Variants in GJB7 observed in about 807,000 individuals in gnomAD.
The protein encoded by GJB7 is gap junction beta-7 protein.
For synonymous variants in GJB7, 87 were observed against 95.2 expected (o/e 0.91, Z 0.50); for missense variants, 253 against 256.8 (o/e 0.99, Z 0.10).
intron 2 of GJB7, among the ~76,000 whole-genome samples, chr6:87,321,270 T>C (rs1201215256): frequency 6.6e-6 from 1 of 151,300 alleles, no homozygotes; most frequent in Non-Finnish European, 1.5e-5. Context: ...AGAGATTTTC[T>C]ATAGAATGTA....
chr6:87,307,386 A>C (rs983567142), intron 2 of GJB7, among the ~76,000 whole-genome samples: 1 of 152,120 alleles, frequency 6.6e-6, no homozygotes, highest in Non-Finnish European at 1.5e-5. Flanking sequence ...AGATCTAATT[A>C]AACTAAAGAG....
intron 2 of GJB7, among the ~76,000 whole-genome samples, chr6:87,312,972 T>TA (rs1212013987): frequency 6.6e-6 from 1 of 152,228 alleles, no homozygotes; most frequent in Admixed American, 6.5e-5. Context: ...AAAGTCCTGT[T>TA]ACCATGTGAG....
At chr6:87,308,856 G>C (rs1776472378) in intron 2 of GJB7, among the ~76,000 whole-genome samples, 1 of 151,964 alleles carries the variant, frequency 6.6e-6, no homozygotes, top group South Asian at 2.1e-4. Flanking sequence ...AAAAATAAAG[G>C]ATTCCAGAAA....
At chr6:87,292,901 A>G (rs1776199059) in intron 2 of GJB7, among the ~76,000 whole-genome samples, 1 of 152,246 alleles carries the variant, frequency 6.6e-6, no homozygotes, top group African/African-American at 2.4e-5. Context: ...TGATGTCCAC[A>G]TCCACAAACC....
At chr6:87,309,214 C>A (rs1227051831) in intron 2 of GJB7, among the ~76,000 whole-genome samples, 2 of 152,244 alleles carry the variant, frequency 1.3e-5, no homozygotes, top group Admixed American at 6.5e-5. Flanking sequence ...CTCCTGGATC[C>A]TCCTTCATCT....
chr6:87,323,148 A>G (rs1776712547), intron 1 of GJB7, 105 bp from the exon 2 acceptor site: 1 of 152,246 alleles, frequency 6.6e-6, no homozygotes, highest in Non-Finnish European at 1.5e-5. Context: ...AGTCCATGAC[A>G]TTGGGGGAAG....
At chr6:87,302,312 C>G (rs931964682) in intron 2 of GJB7, among the ~76,000 whole-genome samples, 3 of 152,048 alleles carry the variant, frequency 2.0e-5, no homozygotes, top group African/African-American at 4.8e-5. Flanking sequence ...ACTAGAATAA[C>G]CAGTGTAGAG....
At chr6:87,297,220 A>C (rs1369439452) in intron 2 of GJB7, among the ~76,000 whole-genome samples, 2 of 152,206 alleles carry the variant, frequency 1.3e-5, no homozygotes, top group African/African-American at 4.8e-5. Flanking sequence ...TTCACATTCA[A>C]TCATATTTAC....
At chr6:87,325,325 G>C (rs1286201811) in intron 1 of GJB7, among the ~76,000 whole-genome samples, 3 of 143,454 alleles carry the variant, frequency 2.1e-5, no homozygotes, top group African/African-American at 8.1e-5. Flanking sequence ...TGGTGAGAGA[G>C]GGCATCCCTG....
chr6:87,322,816 C>T (rs1431464920), intron 2 of GJB7, 50 bp downstream of exon 2: 1 of 152,220 alleles, frequency 6.6e-6, no homozygotes, highest in African/African-American at 2.4e-5. Flanking sequence ...TACCCGCACC[C>T]CAAGTCGGTG....
chr6:87,284,279 G>A lies in GJB7; in HGVS notation c.634C>T (p.Gln212Ter), dbSNP rs759584882. The change falls in exon 3 of 3, where the codon CAA becomes TAA. Residue 212 changes from glutamine to a stop codon, truncating the protein, a stop_gained. Transcript: ENST00000525899. LOFTEE classifies it high-confidence loss of function. ...ACTTGAGGTTTTTTTAAATATTTTT[G>A]GAGACAGCACTTAATAAAGCACTTG... The part of the protein sequence containing the change: ...VLKCFIKCCL[Q>*]KYLKKPQVLS... 6.2e-7 allele frequency: 1 copy of A among 1,613,468 alleles called. No homozygotes were observed. The highest frequency in any genetic ancestry group is 1.3e-5 in the African/African-American group (1 of 74,760).
chr6:87,308,243 G>T (rs1278669407), intron 2 of GJB7, among the ~76,000 whole-genome samples: 4 of 148,474 alleles, frequency 2.7e-5, no homozygotes, highest in Admixed American at 2.0e-4. Context: ...GGGGGAGGGG[G>T]GAGGGATAGC....
intron 2 of GJB7, among the ~76,000 whole-genome samples, chr6:87,302,278 G>C (rs1403496481): frequency 1.3e-5 from 2 of 151,834 alleles, no homozygotes; most frequent in Non-Finnish European, 2.9e-5. Context: ...TAAAAGCCTT[G>C]AAAAAAAATT....
chr6:87,304,117 T>C (rs1016268492), intron 2 of GJB7, among the ~76,000 whole-genome samples: 1 of 151,648 alleles, frequency 6.6e-6, no homozygotes, highest in African/African-American at 2.4e-5. Context: ...TTGAAAGAAC[T>C]AGAGAAGCAA....
At chr6:87,302,152 C>T (rs148302478) in intron 2 of GJB7, among the ~76,000 whole-genome samples, 1 of 152,216 alleles carries the variant, frequency 6.6e-6, no homozygotes, top group Admixed American at 6.5e-5. Flanking sequence ...CAGCTCCTCA[C>T]CAGCAATGCA....
intron 2 of GJB7, among the ~76,000 whole-genome samples, chr6:87,315,272 G>A (rs150554058): frequency 6.4e-4 from 98 of 152,190 alleles, no homozygotes; most frequent in African/African-American, 2.3e-3. Context: ...TTATGATAAT[G>A]TGACCTTAAC....
intron 1 of GJB7, among the ~76,000 whole-genome samples, chr6:87,324,521 T>C (rs983028109): frequency 2.6e-5 from 4 of 150,956 alleles, no homozygotes; most frequent in Non-Finnish European, 2.9e-5. Flanking sequence ...ATTTATTAAA[T>C]AGGGAATCCT....
Position 87,328,976 on chromosome 6 carries a change from C to G in GJB7, c.-206+162G>C, listed in dbSNP as rs151199208. Reference sequence around the variant, plus strand: ...GTGGTGCGCCATTTTTTAAGCCCGTCGGAAAAGCGCAGGATTCGGGTGGGA... The same window carrying G: ...GTGGTGCGCCATTTTTTAAGCCCGTGGGAAAAGCGCAGGATTCGGGTGGGA... On this transcript the variant is annotated intron_variant, in intron 1 of 2. Transcript: ENST00000525899. 9.5e-3 allele frequency among the ~76,000 whole-genome samples: 1,444 copies of G among 152,290 alleles called. 20 individuals carry two copies. Among genetic ancestry groups the G allele is most frequent in the African/African-American group, 0.033 (1,360 of 41,552 alleles).
intron 2 of GJB7, among the ~76,000 whole-genome samples, chr6:87,290,086 A>G (rs1776141239): frequency 6.6e-6 from 1 of 152,192 alleles, no homozygotes; most frequent in Non-Finnish European, 1.5e-5. Context: ...AGCATTTCAC[A>G]GCATCTCATC....
Sources: gnomAD v4.1 joint callset for allele counts (sites outside exome capture counted in the v4.1 genomes callset) on GRCh38, gnomAD v4.1.1 for gene constraint, MANE v1.5 for transcripts, NCBI Gene and HGNC (gene_info 2026-07-23, HGNC 2026-07-21) for gene names.